Variants in HERC3 observed in about 807,000 individuals in gnomAD.
HERC3 encodes probable E3 ubiquitin-protein ligase HERC3.
HERC3 carries 58 observed loss-of-function variants against 129.9 expected under a neutral mutation model. The observed-to-expected ratio is 0.45, with a 90% confidence interval of 0.36 to 0.56. The LOEUF (loss-of-function observed/expected upper bound fraction) is 0.56. Among genes scored for constraint, HERC3 ranks in the 20% least tolerant of loss-of-function variants. HERC3 has a pLI of 0.00. For missense variants in HERC3, 835 were observed against 1,244.2 expected (o/e 0.67, Z 4.95); for synonymous variants, 430 against 451.0 (o/e 0.95, Z 0.59).
At chr4:88,546,510 T>C in the HERC3 span, among the ~76,000 whole-genome samples, 1 of 139,726 alleles carries the variant, frequency 7.2e-6, no homozygotes, top group African/African-American at 2.6e-5. Context: ...CCTCCCTTCC[T>C]CCTTTCCTTC....
Position 88,619,659 on chromosome 4 carries a change from G to A in HERC3, c.226+13610G>A, listed in dbSNP as rs116151672. ...CCTGTGGCGTAAGGCATCCCATAAC[G>A]AAGCCAAAAGGTGAGTGATAGACTG... On this transcript the variant is annotated intron_variant, in intron 3 of 25. Transcript: ENST00000402738. 3.9e-3 allele frequency among the ~76,000 whole-genome samples: 593 copies of A among 152,288 alleles called. 6 individuals are homozygous for A. The highest frequency in any genetic ancestry group is 0.014 in the African/African-American group (581 of 41,546).
intron 23 of HERC3, among the ~76,000 whole-genome samples, chr4:88,688,485 T>TTA (rs1287386726): frequency 1.3e-5 from 2 of 152,174 alleles, no homozygotes; most frequent in Admixed American, 6.5e-5. Flanking sequence ...ACAGAGTTGG[T>TTA]TATATAACCA....
intron 19 of HERC3, among the ~76,000 whole-genome samples, chr4:88,679,099 C>T (rs1168370296): frequency 6.6e-6 from 1 of 152,166 alleles, no homozygotes; most frequent in Non-Finnish European, 1.5e-5. Context: ...AGTTCTCTGC[C>T]CGAGTCATTA....
chr4:88,624,559 A>G (rs529490527), intron 3 of HERC3, among the ~76,000 whole-genome samples: 2 of 152,290 alleles, frequency 1.3e-5, no homozygotes, highest in East Asian at 3.9e-4. Context: ...ATGTCCTTTA[A>G]AGAAAACCAA....
chr4:88,670,351 A>G (rs1461617497), intron 16 of HERC3, 99 bp downstream of exon 16: 1 of 766,604 alleles, frequency 1.3e-6, no homozygotes, highest in East Asian at 2.6e-5. Context: ...TCAGTGTGTC[A>G]CCTATTCTTC....
the HERC3 span, among the ~76,000 whole-genome samples, chr4:88,540,596 C>T: frequency 2.0e-5 from 3 of 152,132 alleles, no homozygotes; most frequent in Non-Finnish European, 4.4e-5. Context: ...ATACAGAGAA[C>T]ACCACAAAGA....
At chr4:88,697,137 G>C (rs894555938) in intron 23 of HERC3, 25 of 1,408,564 alleles carry the variant, frequency 1.8e-5, no homozygotes, top group Non-Finnish European at 1.8e-5. Flanking sequence ...TAAGTCCATC[G>C]ATATTCTGGG....
chr4:88,582,930 A>T, the HERC3 span, among the ~76,000 whole-genome samples: 13 of 152,038 alleles, frequency 8.6e-5, no homozygotes, highest in Non-Finnish European at 1.9e-4. Context: ...TTAAACTTCA[A>T]CCATCTGGCT....
At chr4:88,664,515 A>T (rs180762275) in intron 12 of HERC3, among the ~76,000 whole-genome samples, 1 of 152,296 alleles carries the variant, frequency 6.6e-6, no homozygotes, top group East Asian at 1.9e-4. Context: ...CTTTGCGCAA[A>T]AATTGGAAAG....
intron 3 of HERC3, among the ~76,000 whole-genome samples, chr4:88,619,477 A>C (rs1484934299): frequency 6.6e-6 from 1 of 152,252 alleles, no homozygotes; most frequent in Non-Finnish European, 1.5e-5. Context: ...TTCTAAAGTA[A>C]ATTCCAGATG....
chr4:88,638,036 T>G (rs2924352), intron 3 of HERC3, among the ~76,000 whole-genome samples: 1 of 151,964 alleles, frequency 6.6e-6, no homozygotes. Context: ...AAGACTGAAG[T>G]ACAGGAAGAA....
Position 88,652,948 on chromosome 4 carries a change from A to G in HERC3, c.543A>G (p.Pro181=), listed in dbSNP as rs747079815. 55 of 1,614,028 alleles carry G rather than the reference A, an allele frequency of 3.4e-5. No individual in the cohort carries two copies. Among genetic ancestry groups the G allele is most frequent in the Non-Finnish European group, 4.4e-5 (52 of 1,180,044 alleles). Residue 181 remains proline, a synonymous_variant, in exon 6 of 26, where the codon CCA becomes CCG. Coordinates refer to ENST00000402738, the MANE Select transcript of HERC3 (RefSeq NM_014606.3). ...AGGAGTTCCCCTCCCAAGCCAGCCC[A>G]CAGAGGGTGAGGTCCCTGGAGGGGA... ...LGKEFPSQAS[P]QRVRSLEGIP...
chr4:88,705,787 C>T (rs1417076302), intron 25 of HERC3, among the ~76,000 whole-genome samples: 1 of 152,152 alleles, frequency 6.6e-6, no homozygotes, highest in Non-Finnish European at 1.5e-5. Context: ...GTCTATTTTG[C>T]TTTATAAGAT....
chr4:88,697,045 G>A (rs1734669696), intron 23 of HERC3: 1 of 632,640 alleles, frequency 1.6e-6, no homozygotes, highest in South Asian at 3.8e-5. Context: ...AGCTGGCCAG[G>A]ATCTAATTGC....
the HERC3 span, among the ~76,000 whole-genome samples, chr4:88,561,517 C>G: frequency 6.6e-6 from 1 of 152,042 alleles, no homozygotes; most frequent in African/African-American, 2.4e-5. Flanking sequence ...TATAAACATT[C>G]CAATTATATT....
At chr4:88,608,599 A>C (rs962222188) in intron 3 of HERC3, among the ~76,000 whole-genome samples, 1 of 152,260 alleles carries the variant, frequency 6.6e-6, no homozygotes, top group Non-Finnish European at 1.5e-5. Flanking sequence ...TATCATATAC[A>C]ACTACCATGG....
At chr4:88,588,286 G>A (rs1257308163), upstream of HERC3, among the ~76,000 whole-genome samples, 1 of 152,152 alleles carries the variant, frequency 6.6e-6, no homozygotes, top group Admixed American at 6.5e-5. Context: ...AATATTAAAA[G>A]ATTATTTGAT....
chr4:88,630,751 C>A (rs142829944), intron 3 of HERC3, among the ~76,000 whole-genome samples: 257 of 152,304 alleles, frequency 1.7e-3, no homozygotes, highest in African/African-American at 5.9e-3. Flanking sequence ...TAGCACCATG[C>A]AGGGGACCTC....
chr4:88,588,286 G>T (rs1257308163), upstream of HERC3, among the ~76,000 whole-genome samples: 1 of 152,152 alleles, frequency 6.6e-6, no homozygotes, highest in African/African-American at 2.4e-5. Flanking sequence ...AATATTAAAA[G>T]ATTATTTGAT....
Sources: allele counts gnomAD v4.1 joint callset (sites outside exome capture counted in the v4.1 genomes callset), GRCh38; gene constraint gnomAD v4.1.1; transcripts MANE v1.5; gene names NCBI Gene and HGNC (gene_info 2026-07-23, HGNC 2026-07-21).